CCSER1: variants seen among roughly 807,000 people sequenced by gnomAD.
The protein encoded by CCSER1 is coiled-coil serine rich protein 1.
Under a neutral mutation model 82.0 loss-of-function variants are expected in CCSER1, and 41 were observed. The observed-to-expected ratio is 0.50, with a 90% confidence interval of 0.39 to 0.65. The LOEUF is 0.65. Ranked by LOEUF, CCSER1 falls within the 30% of genes least tolerant of loss-of-function variation. CCSER1 has a pLI of 0.00. For missense variants in CCSER1, 1,119 were observed against 1,064.2 expected (o/e 1.05, Z -0.72); for synonymous variants, 414 against 383.9 (o/e 1.08, Z -0.92).
intron 1 of CCSER1, among the ~76,000 whole-genome samples, chr4:90,186,396 G>A (rs565206653): frequency 1.3e-5 from 2 of 151,934 alleles, no homozygotes; most frequent in Admixed American, 1.3e-4. Context: ...GTGACTTTTT[G>A]AACCCTGCTC....
At chr4:91,281,395 A>C (rs186899204) in intron 10 of CCSER1, among the ~76,000 whole-genome samples, 1 of 152,178 alleles carries the variant, frequency 6.6e-6, no homozygotes, top group Non-Finnish European at 1.5e-5. Context: ...GAGCATAAAC[A>C]TATAACTAAA....
chr4:91,009,564 T>C (rs1006227082), intron 9 of CCSER1, among the ~76,000 whole-genome samples: 4 of 152,312 alleles, frequency 2.6e-5, no homozygotes, highest in South Asian at 2.1e-4. Flanking sequence ...GTTGGTTTGT[T>C]GCTCTTTCCC....
chr4:91,332,532 A>G (rs1005402910), intron 10 of CCSER1, among the ~76,000 whole-genome samples: 12 of 151,820 alleles, frequency 7.9e-5, no homozygotes, highest in Admixed American at 3.9e-4. Context: ...TTTATTTTTT[A>G]TATACAATAG....
intron 10 of CCSER1, among the ~76,000 whole-genome samples, chr4:91,169,665 A>G (rs1288422392): frequency 1.3e-5 from 2 of 151,938 alleles, no homozygotes; most frequent in Non-Finnish European, 2.9e-5. Flanking sequence ...AGTATTCAAA[A>G]CTTGTATTAG....
intron 5 of CCSER1, among the ~76,000 whole-genome samples, chr4:90,524,679 G>A (rs1773536026): frequency 6.6e-6 from 1 of 152,106 alleles, no homozygotes; most frequent in Admixed American, 6.6e-5. Flanking sequence ...ATGTTGGCCA[G>A]GATGGTCTCT....
intron 1 of CCSER1, among the ~76,000 whole-genome samples, chr4:90,226,879 A>T (rs1743269980): frequency 6.6e-6 from 1 of 152,220 alleles, no homozygotes; most frequent in Admixed American, 6.5e-5. Context: ...ACTGAGCATG[A>T]TGGGGTACTA....
chr4:90,463,351 A>G (rs1025960748), intron 4 of CCSER1, among the ~76,000 whole-genome samples: 1 of 152,208 alleles, frequency 6.6e-6, no homozygotes. Context: ...GTTCAATAGC[A>G]TGAGGACTAG....
chr4:91,425,881 G>T (rs940254659), intron 10 of CCSER1, among the ~76,000 whole-genome samples: 3 of 151,996 alleles, frequency 2.0e-5, no homozygotes, highest in African/African-American at 7.2e-5. Context: ...TTATGTTCAG[G>T]GTTCCTACCA....
chr4:90,367,495 C>A (rs1025526364), intron 3 of CCSER1, among the ~76,000 whole-genome samples: 1 of 151,334 alleles, frequency 6.6e-6, no homozygotes, highest in East Asian at 1.9e-4. Flanking sequence ...TTTAGCTAGC[C>A]ATATTTTGTC....
intron 10 of CCSER1, among the ~76,000 whole-genome samples, chr4:91,413,496 C>T (rs1252065496): frequency 1.3e-5 from 2 of 149,468 alleles, no homozygotes; most frequent in East Asian, 2.0e-4. Flanking sequence ...AGAACAAGAA[C>T]AACAACAACA....
intron 10 of CCSER1, among the ~76,000 whole-genome samples, chr4:91,409,094 A>C (rs975336082): frequency 6.6e-6 from 1 of 152,190 alleles, no homozygotes; most frequent in Admixed American, 6.6e-5. Flanking sequence ...GGCATCCTCT[A>C]GATTTCTGAG....
At chr4:90,202,899 CTTTG>C (rs1560790290) in intron 1 of CCSER1, among the ~76,000 whole-genome samples, 1 of 152,156 alleles carries the variant, frequency 6.6e-6, no homozygotes, top group African/African-American at 2.4e-5. Context: ...AGACACAGTA[CTTTG>C]TTTGTAACTC....
chr4:91,137,674 T>C (rs1450303934), intron 10 of CCSER1, among the ~76,000 whole-genome samples: 4 of 150,278 alleles, frequency 2.7e-5, no homozygotes, highest in Non-Finnish European at 4.4e-5. Context: ...CCAGCACCTG[T>C]TGTTTCCTGA....
intron 3 of CCSER1, among the ~76,000 whole-genome samples, chr4:90,324,070 G>A (rs1285304417): frequency 1.3e-5 from 2 of 152,090 alleles, no homozygotes; most frequent in African/African-American, 2.4e-5. Context: ...AGTCTATCAT[G>A]GTTGGACATT....
chr4:90,425,923 TA>T (rs369805175), intron 4 of CCSER1, among the ~76,000 whole-genome samples: 4,938 of 148,158 alleles, frequency 0.033, 245 homozygotes, highest in African/African-American at 0.11. Context: ...CTATTTTTTT[TA>T]AAAAAAAAAC....
At position 91,507,086 on chromosome 4, in the gene CCSER1, A is replaced by C. The variant is rs142029870; in HGVS notation, c.2218-91486A>C. Among the ~76,000 whole-genome samples, 408 of 152,316 alleles carry C rather than the reference A, an allele frequency of 2.7e-3. 6 individuals carry two copies. The highest frequency in any genetic ancestry group is 0.02 in the Admixed American group (304 of 15,298). ...TTTTACTATTATGAACGAAACTTTTAATTACATTTATGTACACATTTTTGT... is the reference window on the plus strand; with the variant it reads ...TTTTACTATTATGAACGAAACTTTTCATTACATTTATGTACACATTTTTGT... On this transcript the variant is annotated intron_variant, in intron 10 of 10. Transcript: ENST00000509176.
chr4:90,269,305 A>G (rs1374560343), intron 1 of CCSER1, among the ~76,000 whole-genome samples: 1 of 152,118 alleles, frequency 6.6e-6, no homozygotes, highest in African/African-American at 2.4e-5. Context: ...GTCTTAAAAC[A>G]TTTAATATAA....
rs147851837 is a variant in CCSER1 at position 90,334,000 on chromosome 4, A to G, written c.1509+20953A>G. ...AACAATTATATAATCTATTGAATGT[A>G]GTAATCTTTGGGAAAGCCTTTTAGG... On this transcript the variant is annotated intron_variant, in intron 3 of 10. Transcript: ENST00000509176. 4.0e-4 allele frequency among the ~76,000 whole-genome samples: 61 copies of G among 152,314 alleles called. No individual in the cohort carries two copies. The East Asian group carries it at 0.012, about 29-fold the overall frequency.
At chr4:90,614,195 G>T (rs895495741) in intron 5 of CCSER1, among the ~76,000 whole-genome samples, 6 of 152,100 alleles carry the variant, frequency 3.9e-5, no homozygotes, top group African/African-American at 1.4e-4. Flanking sequence ...GTTTTGAGGT[G>T]CCATGGACTG....
Sources: allele counts gnomAD v4.1 joint callset (sites outside exome capture counted in the v4.1 genomes callset), GRCh38; gene constraint gnomAD v4.1.1; transcripts MANE v1.5; gene names NCBI Gene and HGNC (gene_info 2026-07-23, HGNC 2026-07-21).